ELOVL6: variants seen among roughly 807,000 people sequenced by gnomAD.
ELOVL6 encodes very long chain fatty acid elongase 6.
Under a neutral mutation model 31.7 loss-of-function variants are expected in ELOVL6, and 8 were observed. The ratio of observed to expected loss-of-function variants is 0.25; its 90% CI spans 0.15 to 0.45. The LOEUF (loss-of-function observed/expected upper bound fraction) is 0.45, where lower values mean the gene tolerates loss of function less well. Ranked by LOEUF, ELOVL6 falls within the 20% of genes least tolerant of loss-of-function variation. ELOVL6 has a pLI of 1.00. For missense variants in ELOVL6, 126 were observed against 326.4 expected (o/e 0.39, Z 4.73); for synonymous variants, 101 against 117.7 (o/e 0.86, Z 0.92).
intron 1 of ELOVL6, among the ~76,000 whole-genome samples, chr4:110,184,718 A>G (rs960306752): frequency 1.3e-4 from 20 of 152,200 alleles, no homozygotes; most frequent in African/African-American, 4.8e-4. Flanking sequence ...TTGGTTGTAA[A>G]TTACAGGTAG....
At chr4:110,085,446 T>C (rs774328401) in intron 2 of ELOVL6, among the ~76,000 whole-genome samples, 3 of 152,184 alleles carry the variant, frequency 2.0e-5, no homozygotes, top group Admixed American at 6.5e-5. Context: ...AAGAAATGCA[T>C]GAGTAAAGAG....
At chr4:110,171,236 C>T (rs1758933928) in intron 1 of ELOVL6, among the ~76,000 whole-genome samples, 1 of 151,922 alleles carries the variant, frequency 6.6e-6, no homozygotes, top group Non-Finnish European at 1.5e-5. Flanking sequence ...ATGGTGAAAC[C>T]CCATCTCTAC....
At chr4:110,117,903 A>AAAAAAATATATATATATATATATATAT in intron 1 of ELOVL6, 1 of 6,504 alleles carries the variant, frequency 1.5e-4, no homozygotes, top group Non-Finnish European at 3.7e-4. Flanking sequence ...AAAAAAAAAA[A>AAAAAAATATATATATATATATATATAT]ATATATATAT....
chr4:110,162,427 C>T (rs1190826085), intron 1 of ELOVL6, among the ~76,000 whole-genome samples: 2 of 152,150 alleles, frequency 1.3e-5, no homozygotes, highest in Non-Finnish European at 2.9e-5. Flanking sequence ...CTCACTGTAG[C>T]CTTGAGCTCT....
At chr4:110,075,135 A>G (rs911225011) in intron 2 of ELOVL6, among the ~76,000 whole-genome samples, 3 of 152,200 alleles carry the variant, frequency 2.0e-5, no homozygotes, top group African/African-American at 7.2e-5. Context: ...TACTGTTAGG[A>G]TGTGGAAAAA....
At chr4:110,084,588 A>ATATTTTTTT (rs1553956261) in intron 2 of ELOVL6, among the ~76,000 whole-genome samples, 3 of 29,654 alleles carry the variant, frequency 1.0e-4, no homozygotes, top group African/African-American at 6.5e-4. Context: ...ATATATATAT[A>ATATTTTTTT]TTTTTTTTTT....
At chr4:110,126,933 T>C (rs1757513946) in intron 1 of ELOVL6, among the ~76,000 whole-genome samples, 1 of 152,038 alleles carries the variant, frequency 6.6e-6, no homozygotes, top group East Asian at 1.9e-4. Context: ...TCAAAATTAA[T>C]TGTATCCTAC....
intron 1 of ELOVL6, among the ~76,000 whole-genome samples, chr4:110,143,986 G>A (rs561677694): frequency 2.0e-4 from 30 of 148,216 alleles, no homozygotes; most frequent in Non-Finnish European, 3.5e-4. Context: ...CCTGGGAGGC[G>A]AAGGTTGTGG....
At chr4:110,176,435 C>T (rs999959476) in intron 1 of ELOVL6, among the ~76,000 whole-genome samples, 3 of 152,182 alleles carry the variant, frequency 2.0e-5, no homozygotes, top group African/African-American at 7.2e-5. Context: ...GCTGAGATTA[C>T]AGGCATGAGC....
At chr4:110,169,804 T>C (rs1345198332) in intron 1 of ELOVL6, among the ~76,000 whole-genome samples, 1 of 149,744 alleles carries the variant, frequency 6.7e-6, no homozygotes, top group African/African-American at 2.5e-5. Context: ...CTTTTCTTTC[T>C]TTCTTTTTTT....
intron 1 of ELOVL6, chr4:110,197,884 C>A (rs1210237083): frequency 6.9e-6 from 2 of 290,320 alleles, no homozygotes; most frequent in East Asian, 9.4e-5. Context: ...AAACCCAAAT[C>A]TAGATGAAAA....
intron 2 of ELOVL6, among the ~76,000 whole-genome samples, chr4:110,104,248 C>T (rs1022204161): frequency 6.6e-6 from 1 of 152,182 alleles, no homozygotes; most frequent in Non-Finnish European, 1.5e-5. Flanking sequence ...GAGGCATACT[C>T]TGTCAACCTT....
At chr4:110,111,461 T>C (rs528410520) in intron 1 of ELOVL6, among the ~76,000 whole-genome samples, 5 of 151,308 alleles carry the variant, frequency 3.3e-5, no homozygotes, top group South Asian at 4.2e-4. Context: ...GTTTAAGCCA[T>C]GGCCAAGAAA....
chr4:110,055,073 G>T (rs569576579), intron 3 of ELOVL6, among the ~76,000 whole-genome samples: 1 of 152,262 alleles, frequency 6.6e-6, no homozygotes, highest in Admixed American at 6.5e-5. Context: ...TTTCCCTCAG[G>T]CAGGGGGAAA....
chr4:110,084,438 A>G lies in ELOVL6; in HGVS notation c.221+21059T>C, dbSNP rs566659367. Among the ~76,000 whole-genome samples, 232 of 96,214 alleles carry G rather than the reference A, an allele frequency of 2.4e-3. 18 individuals are homozygous for G. The highest frequency in any genetic ancestry group is 8.2e-3 in the African/African-American group (198 of 24,130). The allele number at this position is 96,214 out of a possible 152,430, so 63.1% of individuals were successfully genotyped here. ...ACATGATATATCACATATATCATATATGATATATCGCATATATCATATATG... is the reference window on the plus strand; with the variant it reads ...ACATGATATATCACATATATCATATGTGATATATCGCATATATCATATATG... On this transcript the variant is annotated intron_variant, in intron 2 of 3. Transcript: ENST00000302274.
chr4:110,095,932 T>G (rs968891079), intron 2 of ELOVL6, among the ~76,000 whole-genome samples: 1 of 152,188 alleles, frequency 6.6e-6, no homozygotes, highest in South Asian at 2.1e-4. Context: ...TGTGATAAAC[T>G]TCAATGAATA....
intron 2 of ELOVL6, among the ~76,000 whole-genome samples, chr4:110,086,791 CACA>C (rs1288686852): frequency 6.6e-6 from 1 of 152,108 alleles, no homozygotes; most frequent in African/African-American, 2.4e-5. Flanking sequence ...TGTTTTAAAA[CACA>C]ACATTAGATA....
chr4:110,066,211 C>T (rs1023969472), intron 2 of ELOVL6, among the ~76,000 whole-genome samples: 4 of 152,154 alleles, frequency 2.6e-5, no homozygotes, highest in African/African-American at 9.7e-5. Flanking sequence ...TGGTCTTAGA[C>T]TCTGACAGTT....
chr4:110,148,499 G>C lies in ELOVL6; in HGVS notation c.90-42871C>G, dbSNP rs192639345. ...GCCCAGAAGGGGGTTGTGCGGGGGA[G>C]GGGGGGAGGTAGGAATGGTTAATGG... On this transcript the variant is annotated intron_variant, in intron 1 of 3. Transcript: ENST00000302274. Among the ~76,000 whole-genome samples the C allele has an allele frequency of 5.4e-4, 81 of 150,610 alleles. 1 individual carries two copies. In the South Asian group the frequency reaches 0.013, roughly 23 times the overall value.
Sources: allele counts gnomAD v4.1 joint callset (sites outside exome capture counted in the v4.1 genomes callset), GRCh38; gene constraint gnomAD v4.1.1; transcripts MANE v1.5; gene names NCBI Gene and HGNC (gene_info 2026-07-23, HGNC 2026-07-21).